Variants in KCNIP4 observed in about 807,000 individuals in gnomAD.
The protein encoded by KCNIP4 is Kv channel-interacting protein 4.
KCNIP4 carries 12 observed loss-of-function variants against 34.0 expected under a neutral mutation model. The ratio of observed to expected loss-of-function variants is 0.35; its 90% CI spans 0.23 to 0.57. KCNIP4 has a LOEUF of 0.57. Ranked by LOEUF, KCNIP4 falls within the 20% of genes least tolerant of loss-of-function variation. The pLI, the probability that KCNIP4 is intolerant of heterozygous loss-of-function variation, is 0.83. For synonymous variants in KCNIP4, 124 were observed against 102.2 expected (o/e 1.21, Z -1.29); for missense variants, 238 against 311.7 (o/e 0.76, Z 1.78).
At chr4:21,491,197 C>T (rs1317249117) in intron 1 of KCNIP4, among the ~76,000 whole-genome samples, 1 of 151,984 alleles carries the variant, frequency 6.6e-6, no homozygotes, top group Non-Finnish European at 1.5e-5. Context: ...ACCCTTGCAG[C>T]AGGTATGGTT....
At chr4:21,549,443 C>G (rs973174434) in intron 1 of KCNIP4, among the ~76,000 whole-genome samples, 9 of 151,744 alleles carry the variant, frequency 5.9e-5, no homozygotes, top group Non-Finnish European at 8.8e-5. Flanking sequence ...ACTGTGACAT[C>G]TGGTTGTTTA....
intron 1 of KCNIP4, among the ~76,000 whole-genome samples, chr4:21,576,583 T>G (rs971823626): frequency 4.6e-5 from 7 of 152,198 alleles, no homozygotes; most frequent in Non-Finnish European, 1.0e-4. Flanking sequence ...TCCAAACTTG[T>G]TTATGAAAAT....
chr4:21,138,892 C>T (rs1385819343), intron 1 of KCNIP4, among the ~76,000 whole-genome samples: 3 of 152,126 alleles, frequency 2.0e-5, no homozygotes, highest in Non-Finnish European at 4.4e-5. Flanking sequence ...GACGGATTCT[C>T]CCCTAGAGTC....
At chr4:20,964,626 A>G (rs1734171119) in intron 1 of KCNIP4, among the ~76,000 whole-genome samples, 1 of 152,138 alleles carries the variant, frequency 6.6e-6, no homozygotes, top group Admixed American at 6.5e-5. Context: ...ATTCTGAGCC[A>G]TTTGTTTAGC....
At chr4:20,875,282 T>A (rs28625096) in intron 2 of KCNIP4, among the ~76,000 whole-genome samples, 45,886 of 152,106 alleles carry the variant, frequency 0.3, 7,675 homozygotes, top group Admixed American at 0.44. Flanking sequence ...GCAGCTCCAC[T>A]GCTGTGTTCA....
At chr4:21,712,085 C>G (rs1713775150) in intron 1 of KCNIP4, among the ~76,000 whole-genome samples, 1 of 151,958 alleles carries the variant, frequency 6.6e-6, no homozygotes, top group African/African-American at 2.4e-5. Flanking sequence ...CAATTTTCTA[C>G]TATGGGAGCT....
At chr4:20,766,585 C>G (rs932849913) in intron 3 of KCNIP4, among the ~76,000 whole-genome samples, 2 of 151,558 alleles carry the variant, frequency 1.3e-5, no homozygotes, top group Admixed American at 1.3e-4. Flanking sequence ...AACAAACAAA[C>G]AAACATAAAG....
At chr4:21,044,935 C>T (rs1023938100) in intron 1 of KCNIP4, among the ~76,000 whole-genome samples, 1 of 152,178 alleles carries the variant, frequency 6.6e-6, no homozygotes, top group Non-Finnish European at 1.5e-5. Flanking sequence ...GAATTATTAT[C>T]ACAATGCATG....
intron 1 of KCNIP4, among the ~76,000 whole-genome samples, chr4:21,211,497 A>G (rs1281734239): frequency 6.6e-6 from 1 of 152,082 alleles, no homozygotes; most frequent in African/African-American, 2.4e-5. Context: ...GCTCCTTATG[A>G]GAATGCCTGA....
At chr4:21,676,859 C>T (rs1215566111) in intron 1 of KCNIP4, among the ~76,000 whole-genome samples, 2 of 151,644 alleles carry the variant, frequency 1.3e-5, no homozygotes, top group Non-Finnish European at 2.9e-5. Flanking sequence ...GATAAAATTA[C>T]ATAATTAATA....
At chr4:21,145,359 G>A (rs1752275986) in intron 1 of KCNIP4, among the ~76,000 whole-genome samples, 1 of 152,160 alleles carries the variant, frequency 6.6e-6, no homozygotes, top group South Asian at 2.1e-4. Flanking sequence ...TTACGAACCT[G>A]GGACGTTTTA....
At position 21,176,911 on chromosome 4, in the gene KCNIP4, T is replaced by G. The variant is rs191534748; in HGVS notation, c.62-294202A>C. Among the ~76,000 whole-genome samples, 29 of 152,376 alleles carry G rather than the reference T, an allele frequency of 1.9e-4. No individual in the cohort carries two copies. In the East Asian group the frequency reaches 4.8e-3, roughly 25 times the overall value. On this transcript the variant is annotated intron_variant, in intron 1 of 8. Transcript: ENST00000382152. The stretch of plus-strand genomic sequence containing the variant: ...CAGAGCCTGCTTTCAAAGTTTTATC[T>G]ATCTCACATGTTTACATGTTTATCT...
chr4:21,519,600 A>ACACATGTGTGTATG (rs1735241515), intron 1 of KCNIP4, among the ~76,000 whole-genome samples: 1 of 116,540 alleles, frequency 8.6e-6, no homozygotes, highest in East Asian at 2.7e-4. Context: ...ATGTGTATAT[A>ACACATGTGTGTATG]TACACATATG....
chr4:20,972,137 T>C (rs1244042290), intron 1 of KCNIP4, among the ~76,000 whole-genome samples: 2 of 152,224 alleles, frequency 1.3e-5, no homozygotes, highest in Non-Finnish European at 2.9e-5. Context: ...TTATTTCTTC[T>C]AATGAATTAT....
At chr4:21,228,235 C>T (rs966379671) in intron 1 of KCNIP4, among the ~76,000 whole-genome samples, 1 of 152,058 alleles carries the variant, frequency 6.6e-6, no homozygotes, top group African/African-American at 2.4e-5. Context: ...TTACTGTTCT[C>T]ATGATAGTGA....
intron 1 of KCNIP4, among the ~76,000 whole-genome samples, chr4:21,208,596 C>A (rs868492303): frequency 1.3e-5 from 2 of 152,120 alleles, no homozygotes; most frequent in Admixed American, 6.6e-5. Flanking sequence ...TGGTCATTGA[C>A]GGTCTTTTTT....
intron 8 of KCNIP4, 143 bp from the exon 9 acceptor site, chr4:20,730,272 A>G (rs935751546): frequency 9.5e-7 from 1 of 1,052,256 alleles, no homozygotes; most frequent in African/African-American, 1.6e-5. Flanking sequence ...TTGCAAATGT[A>G]AATGCCATTC....
intron 1 of KCNIP4, among the ~76,000 whole-genome samples, chr4:21,467,463 C>T (rs1730089818): frequency 6.6e-6 from 1 of 152,158 alleles, no homozygotes; most frequent in Non-Finnish European, 1.5e-5. Context: ...GACGCTGGAA[C>T]TGTGGCAATG....
In KCNIP4 at chr4:20,731,820, C is replaced by T. The variant is rs969220319; in HGVS notation, c.705+186G>A. 5 of 985,256 alleles carry T rather than the reference C, an allele frequency of 5.1e-6. No individual in the cohort carries two copies. In the African/African-American group the frequency reaches 8.7e-5, roughly 17 times the overall value. The allele number at this position is 985,256 out of a possible 1,614,324, so 61.0% of individuals were successfully genotyped here. A position where few individuals can be genotyped will look rare whatever the true frequency, so the allele number is the denominator to read the frequency against. ...CCTCCATAGCCTGACTCAGTGGGCACTCTAAATGTTGATTATGTAATTGGT... is the reference window on the plus strand; with the variant it reads ...CCTCCATAGCCTGACTCAGTGGGCATTCTAAATGTTGATTATGTAATTGGT... On this transcript the variant is annotated intron_variant, in intron 8 of 8. Coordinates refer to ENST00000382152, the MANE Select transcript of KCNIP4 (RefSeq NM_025221.6).
Sources: gnomAD v4.1 joint callset for allele counts (sites outside exome capture counted in the v4.1 genomes callset) on GRCh38, gnomAD v4.1.1 for gene constraint, MANE v1.5 for transcripts, NCBI Gene and HGNC (gene_info 2026-07-23, HGNC 2026-07-21) for gene names.